Variants in POFUT3 observed in about 807,000 individuals in gnomAD.
POFUT3 encodes protein O-fucosyltransferase 3, also known as GDP-fucose protein O-fucosyltransferase 3.
At chr8:33,387,593 C>G in the POFUT3 span, among the ~76,000 whole-genome samples, 2 of 152,142 alleles carry the variant, frequency 1.3e-5, no homozygotes, top group Admixed American at 6.5e-5. Context: ...CACCTGAGGT[C>G]AGGAGTTCGA....
the POFUT3 span, among the ~76,000 whole-genome samples, chr8:33,379,924 A>C: frequency 7.7e-4 from 89 of 115,566 alleles, 3 homozygotes; most frequent in African/African-American, 3.1e-3. Flanking sequence ...ATATATATAC[A>C]CTATATATAC....
the POFUT3 span, among the ~76,000 whole-genome samples, chr8:33,454,671 CCT>C: frequency 6.7e-6 from 1 of 150,134 alleles, no homozygotes; most frequent in African/African-American, 2.5e-5. Flanking sequence ...AATAGTTTTG[CCT>C]CTTTTTTTTT....
At chr8:33,374,863 TTTTTCTTTTC>T in the POFUT3 span, among the ~76,000 whole-genome samples, 14 of 137,168 alleles carry the variant, frequency 1.0e-4, no homozygotes, top group African/African-American at 4.1e-4. Context: ...CATTTTCTTT[TTTTTCTTTTC>T]TTTTCTTTTT....
At chr8:33,399,434 A>G in the POFUT3 span, among the ~76,000 whole-genome samples, 1 of 152,240 alleles carries the variant, frequency 6.6e-6, no homozygotes, top group Non-Finnish European at 1.5e-5. Flanking sequence ...TCCATCAAAC[A>G]TGATAATATA....
chr8:33,401,216 C>A, the POFUT3 span, among the ~76,000 whole-genome samples: 3 of 152,270 alleles, frequency 2.0e-5, no homozygotes, highest in East Asian at 5.8e-4. Context: ...AAACTCCTGA[C>A]CTCAGGTGAT....
the POFUT3 span, among the ~76,000 whole-genome samples, chr8:33,399,658 A>AT: frequency 1.1e-4 from 16 of 139,626 alleles, no homozygotes; most frequent in South Asian, 1.7e-3. Flanking sequence ...TCTTTTATTT[A>AT]TTTGTTTTTT....
the POFUT3 span, among the ~76,000 whole-genome samples, chr8:33,341,003 C>T: frequency 1.3e-5 from 2 of 151,908 alleles, no homozygotes; most frequent in Admixed American, 6.6e-5. Flanking sequence ...TTTTTAAGCA[C>T]TCAGAAAATA....
At chr8:33,436,326 G>A in the POFUT3 span, 1 of 1,328,236 alleles carries the variant, frequency 7.5e-7, no homozygotes, top group Non-Finnish European at 1.1e-6. Context: ...GGTCTCCACT[G>A]CATCCTCTGC....
At chr8:33,308,547 G>A in the POFUT3 span, among the ~76,000 whole-genome samples, 4 of 152,072 alleles carry the variant, frequency 2.6e-5, no homozygotes, top group African/African-American at 9.7e-5. Context: ...CACTGTGGAG[G>A]AAAAATTAAA....
chr8:33,397,367 G>A, the POFUT3 span, among the ~76,000 whole-genome samples: 3 of 152,150 alleles, frequency 2.0e-5, no homozygotes, highest in Non-Finnish European at 2.9e-5. Flanking sequence ...TCCGCTCTTG[G>A]GGGTGAGTTA....
chr8:33,327,945 A>G, the POFUT3 span, among the ~76,000 whole-genome samples: 1,034 of 151,944 alleles, frequency 6.8e-3, 15 homozygotes, highest in African/African-American at 0.023. Context: ...GGCAACATTA[A>G]CTCCATTTTT....
the POFUT3 span, among the ~76,000 whole-genome samples, chr8:33,311,193 A>C: frequency 5.9e-5 from 9 of 152,206 alleles, no homozygotes; most frequent in East Asian, 1.7e-3. Flanking sequence ...TCTGCATGCC[A>C]GCTGAAAGTT....
chr8:33,318,575 T>C, the POFUT3 span, among the ~76,000 whole-genome samples: 2 of 89,656 alleles, frequency 2.2e-5, no homozygotes, highest in East Asian at 3.3e-4. Flanking sequence ...AATATATAAA[T>C]ATATTGTATA....
chr8:33,311,088 C>T, the POFUT3 span, among the ~76,000 whole-genome samples: 1 of 152,132 alleles, frequency 6.6e-6, no homozygotes, highest in Admixed American at 6.6e-5. Context: ...GGAGAAAGGA[C>T]CTGGTTTTTC....
At chr8:33,438,245 C>T in the POFUT3 span, among the ~76,000 whole-genome samples, 2 of 151,936 alleles carry the variant, frequency 1.3e-5, no homozygotes, top group Admixed American at 1.3e-4. Context: ...ATATATACAC[C>T]TGTATATATG....
the POFUT3 span, among the ~76,000 whole-genome samples, chr8:33,338,257 C>T: frequency 0.016 from 2,375 of 152,188 alleles, 24 homozygotes; most frequent in Middle Eastern, 0.027. Flanking sequence ...GATAGTGAAT[C>T]GGAAATCAGA....
the POFUT3 span, among the ~76,000 whole-genome samples, chr8:33,438,777 G>C: frequency 6.6e-6 from 1 of 152,174 alleles, no homozygotes; most frequent in South Asian, 2.1e-4. Flanking sequence ...AGTGAAAGGG[G>C]TGAATGAGAG....
chr8:33,333,496 G>T, the POFUT3 span, among the ~76,000 whole-genome samples: 11 of 152,232 alleles, frequency 7.2e-5, no homozygotes, highest in East Asian at 1.5e-3. Flanking sequence ...AAAGAGTGGG[G>T]AATCATATAA....
the POFUT3 span, among the ~76,000 whole-genome samples, chr8:33,395,303 A>T: frequency 6.6e-6 from 1 of 152,056 alleles, no homozygotes; most frequent in Non-Finnish European, 1.5e-5. Context: ...CCCAAGCTCC[A>T]CTGGCAGAGG....
Sources: gnomAD v4.1 joint callset for allele counts (sites outside exome capture counted in the v4.1 genomes callset) on GRCh38, gnomAD v4.1.1 for gene constraint, MANE v1.5 for transcripts, NCBI Gene and HGNC (gene_info 2026-07-23, HGNC 2026-07-21) for gene names.